RPP30: variants seen among roughly 807,000 people sequenced by gnomAD.
The protein encoded by RPP30 is ribonuclease P/MRP subunit p30.
A neutral mutation model predicts 38.6 loss-of-function variants in RPP30; 36 were observed. The ratio of observed to expected loss-of-function variants is 0.93; its 90% CI spans 0.71 to 1.23. The LOEUF is 1.23. Ranked by LOEUF, RPP30 falls within the 50% of genes most tolerant of loss-of-function variation. The probability of loss-of-function intolerance (pLI) is 0.00; values close to 1 mark genes in which losing one functional copy is unlikely to be tolerated. For missense variants in RPP30, 321 were observed against 321.7 expected (o/e 1.00, Z 0.02); for synonymous variants, 126 against 112.7 (o/e 1.12, Z -0.75).
chr10:90,903,177 T>C, downstream of RPP30: 1 of 1,471,926 alleles, frequency 6.8e-7, no homozygotes, highest in Non-Finnish European at 9.5e-7. Flanking sequence ...GTCAAGTTCC[T>C]TTTCTGCTTT....
intron 1 of RPP30, 63 bp from the exon 2 acceptor site, chr10:90,874,806 A>G (rs1292184482): frequency 9.2e-7 from 1 of 1,089,138 alleles, no homozygotes; most frequent in Non-Finnish European, 1.4e-6. Flanking sequence ...CTCAGGATGG[A>G]CCTGTGTTAC....
At chr10:90,880,461 C>G (rs2120192852) in intron 5 of RPP30, among the ~76,000 whole-genome samples, 1 of 152,254 alleles carries the variant, frequency 6.6e-6, no homozygotes, top group African/African-American at 2.4e-5. Context: ...GGCACAGTGG[C>G]TTATGCCTGT....
intron 6 of RPP30, among the ~76,000 whole-genome samples, chr10:90,886,750 A>G (rs568079653): frequency 3.3e-5 from 5 of 152,352 alleles, no homozygotes; most frequent in African/African-American, 1.2e-4. Context: ...AAATACAGTC[A>G]AAATTACATA....
At chr10:90,892,662 G>T (rs979000436) in intron 6 of RPP30, among the ~76,000 whole-genome samples, 3 of 151,818 alleles carry the variant, frequency 2.0e-5, no homozygotes, top group Admixed American at 6.6e-5. Flanking sequence ...TTGTATTATC[G>T]TTCCACAACT....
intron 5 of RPP30, among the ~76,000 whole-genome samples, chr10:90,881,177 A>G (rs931270693): frequency 2.4e-4 from 36 of 152,238 alleles, no homozygotes; most frequent in Non-Finnish European, 7.3e-5. Flanking sequence ...AAGAAGGTAT[A>G]CATTTGTAAA....
In RPP30 at chr10:90,901,447, T is replaced by C; in HGVS notation, c.*768T>C. On this transcript the variant is annotated 3_prime_UTR_variant, in exon 11 of 11. Transcript: ENST00000371703. ...TCAGCATTTTTTTCTAAGAAATTGCTATAGAATTTGTGGAAGGAGAGAGGA... is the reference window on the plus strand; with the variant it reads ...TCAGCATTTTTTTCTAAGAAATTGCCATAGAATTTGTGGAAGGAGAGAGGA... 2 of 985,218 alleles carry C rather than the reference T, an allele frequency of 2.0e-6. No individual in the cohort carries two copies. The highest frequency in any genetic ancestry group is 2.4e-6 in the Non-Finnish European group (2 of 829,714). The allele number at this position is 985,218 out of a possible 1,614,324, so 61.0% of individuals were successfully genotyped here. A position where few individuals can be genotyped will look rare whatever the true frequency, so the allele number is the denominator to read the frequency against.
intron 6 of RPP30, among the ~76,000 whole-genome samples, chr10:90,890,471 T>A (rs1847066803): frequency 6.6e-6 from 1 of 152,204 alleles, no homozygotes; most frequent in Non-Finnish European, 1.5e-5. Flanking sequence ...CCTAATCCAT[T>A]TCTGTCTTCG....
intron 4 of RPP30, among the ~76,000 whole-genome samples, chr10:90,878,158 G>GT (rs574079132): frequency 1.3e-5 from 2 of 152,112 alleles, no homozygotes; most frequent in Non-Finnish European, 2.9e-5. Flanking sequence ...ACAAGTGGGA[G>GT]TGGGCAGGTA....
intron 4 of RPP30, among the ~76,000 whole-genome samples, chr10:90,877,545 C>G (rs1589494181): frequency 6.6e-6 from 1 of 150,408 alleles, no homozygotes; most frequent in African/African-American, 2.4e-5. Flanking sequence ...AGAAGGACAG[C>G]AAGCAAAGGG....
At chr10:90,879,030 T>TA in intron 4 of RPP30, 33 bp from the exon 5 acceptor site, 1 of 1,573,346 alleles carries the variant, frequency 6.4e-7, no homozygotes, top group East Asian at 2.2e-5. Context: ...TGGATTTTGT[T>TA]ATTGTATGAT....
rs1262920813 is a variant in RPP30 at position 90,875,956 on chromosome 10, C to G, written c.196-68C>G. 1.1e-5 allele frequency: 10 copies of G among 902,192 alleles called. No homozygotes were observed. The Admixed American group carries it at 1.8e-4, about 16-fold the overall frequency. The allele number at this position is 902,192 out of a possible 1,614,324, so 55.9% of individuals were successfully genotyped here. A position where few individuals can be genotyped will look rare whatever the true frequency, so the allele number is the denominator to read the frequency against. On this transcript the variant is annotated intron_variant, in intron 3 of 10. Coordinates refer to ENST00000371703, the MANE Select transcript of RPP30 (RefSeq NM_006413.5). ...GCCAGTACCTTTTAATGAATACTTT[C>G]CACTGGTAAAAAGGAAAATCAATTA...
downstream of RPP30, among the ~76,000 whole-genome samples, chr10:90,908,048 A>G (rs1054986615): frequency 1.3e-5 from 2 of 152,222 alleles, no homozygotes; most frequent in African/African-American, 4.8e-5. Flanking sequence ...TACTGTAGGC[A>G]ACTATAACAC....
chr10:90,902,119 G>A lies in RPP30; in HGVS notation c.*1440G>A, dbSNP rs1847210989. 2.0e-6 allele frequency: 2 copies of A among 989,008 alleles called. No individual in the cohort carries two copies. Among genetic ancestry groups the A allele is most frequent in the Admixed American group, 6.1e-5 (1 of 16,286 alleles). 61.3% of individuals were successfully genotyped at this position (989,008 alleles called of 1,614,324 possible). A position where few individuals can be genotyped will look rare whatever the true frequency, so the allele number is the denominator to read the frequency against. ...GCCCGAGAAAATACAGTTTTAAAAA[G>A]AGAAAGCTTTATAACCTCACCAATG... On this transcript the variant is annotated 3_prime_UTR_variant, in exon 11 of 11. Transcript: ENST00000371703.
intron 6 of RPP30, among the ~76,000 whole-genome samples, chr10:90,890,166 G>A (rs7101301): frequency 0.49 from 73,909 of 152,036 alleles, 21,563 homozygotes; most frequent in African/African-American, 0.83. Context: ...TTCCAAATCT[G>A]CTGTTATTTC....
chr10:90,899,088 G>A (rs1847174236), intron 10 of RPP30, among the ~76,000 whole-genome samples: 1 of 152,170 alleles, frequency 6.6e-6, no homozygotes, highest in Non-Finnish European at 1.5e-5. Flanking sequence ...AGACACTAAA[G>A]AAATTAATGC....
chr10:90,872,236 A>T (rs1214910691), intron 1 of RPP30, 168 bp downstream of exon 1: 6 of 633,654 alleles, frequency 9.5e-6, no homozygotes, highest in Non-Finnish European at 1.7e-5. Context: ...CTAGCGCGGG[A>T]AACTCGAAGG....
intron 7 of RPP30, chr10:90,895,232 A>C (rs111812222): frequency 5.2e-4 from 260 of 499,054 alleles, no homozygotes; most frequent in African/African-American, 4.7e-3. Flanking sequence ...ATTCACCTTT[A>C]CTAAGATCTG....
At chr10:90,905,699 T>TA (rs2120248179), downstream of RPP30, 1 of 152,306 alleles carries the variant, frequency 6.6e-6, no homozygotes, top group South Asian at 2.1e-4. Flanking sequence ...TCACCACAAA[T>TA]ATATCTGGCT....
In RPP30 at chr10:90,890,089, G is replaced by A. The variant is rs537656489; in HGVS notation, c.432+4188G>A. Among the ~76,000 whole-genome samples the A allele has an allele frequency of 2.2e-3, 337 of 152,306 alleles. 1 individual carries two copies. The highest frequency in any genetic ancestry group is 0.01 in the Middle Eastern group (3 of 294). On this transcript the variant is annotated intron_variant, in intron 6 of 10. Transcript: ENST00000371703. ...AGGTAATACAGTAGAATCTTAGGTA[G>A]TTCATGGTTCACACAGTTAAATGAC... is the stretch of plus-strand genomic sequence containing the variant.
Sources: gnomAD v4.1 joint callset for allele counts (sites outside exome capture counted in the v4.1 genomes callset) on GRCh38, gnomAD v4.1.1 for gene constraint, MANE v1.5 for transcripts, NCBI Gene and HGNC (gene_info 2026-07-23, HGNC 2026-07-21) for gene names.